RAB3IP: variants seen among roughly 807,000 people sequenced by gnomAD.
The protein encoded by RAB3IP is rab-3A-interacting protein.
In RAB3IP, 36 loss-of-function variants were observed where a neutral mutation model predicts 59.1. That is an observed-to-expected ratio of 0.61 (90% CI 0.47 to 0.80). The LOEUF (loss-of-function observed/expected upper bound fraction) is 0.80, where lower values mean the gene tolerates loss of function less well. RAB3IP is among the 30% of genes least tolerant of loss of function. RAB3IP has a pLI of 0.00. For synonymous variants in RAB3IP, 207 were observed against 191.2 expected, an observed-to-expected ratio of 1.08 and a Z score of -0.68; for missense variants, 511 against 536.0, an observed-to-expected ratio of 0.95 and a Z score of 0.46.
At chr12:69,800,488 A>G in intron 7 of RAB3IP, 151 bp downstream of exon 7, 2 of 520,284 alleles carry the variant, frequency 3.8e-6, no homozygotes, top group Non-Finnish European at 3.2e-6. Flanking sequence ...TACTAGAATC[A>G]TGATAATTTC....
chr12:69,773,404 T>TC (rs1464597720), intron 3 of RAB3IP, among the ~76,000 whole-genome samples: 20 of 133,388 alleles, frequency 1.5e-4, no homozygotes, highest in African/African-American at 5.6e-4. Flanking sequence ...TCTTTCTTTT[T>TC]TTTTTTTTTT....
At chr12:69,809,903 A>G (rs949074691) in intron 8 of RAB3IP, among the ~76,000 whole-genome samples, 5 of 152,262 alleles carry the variant, frequency 3.3e-5, no homozygotes, top group Admixed American at 6.5e-5. Context: ...CAACTCGTCA[A>G]AGTCATTCTC....
At chr12:69,766,182 G>T (rs74876237) in intron 3 of RAB3IP, among the ~76,000 whole-genome samples, 1 of 152,102 alleles carries the variant, frequency 6.6e-6, no homozygotes, top group African/African-American at 2.4e-5. Flanking sequence ...TAGATTTTTT[G>T]TATCTGGGTG....
intron 3 of RAB3IP, among the ~76,000 whole-genome samples, chr12:69,768,083 G>T (rs149941995): frequency 1.3e-5 from 2 of 152,176 alleles, no homozygotes; most frequent in African/African-American, 4.8e-5. Context: ...CAGCAAGCTG[G>T]TTCCCTGAAT....
At chr12:69,791,344 C>A (rs1262310566) in intron 4 of RAB3IP, among the ~76,000 whole-genome samples, 1 of 152,076 alleles carries the variant, frequency 6.6e-6, no homozygotes, top group Non-Finnish European at 1.5e-5. Flanking sequence ...GGGAGTACAT[C>A]AAACTAAAAA....
chr12:69,808,471 G>T (rs537262567), intron 8 of RAB3IP, among the ~76,000 whole-genome samples: 2 of 152,318 alleles, frequency 1.3e-5, no homozygotes, highest in Admixed American at 1.3e-4. Flanking sequence ...TCGTTGATCT[G>T]TGTTGACACA....
rs1164646417 is a variant in RAB3IP at position 69,817,524 on chromosome 12, A to G, written c.*2078A>G. ...TAAATTCTTAATTTAGAAATCGTGC[A>G]TCAGTAGTTAGGCATTGTGGCTCAT... On this transcript the variant is annotated 3_prime_UTR_variant, in exon 11 of 11. Coordinates refer to ENST00000247833, the MANE Select transcript of RAB3IP (RefSeq NM_022456.5). The G allele has an allele frequency of 6.6e-6, 1 of 152,102 alleles. No homozygotes were observed. The highest frequency in any genetic ancestry group is 1.5e-5 in the Non-Finnish European group (1 of 68,024). The allele number at this position is 152,102 out of a possible 1,614,324, so 9.4% of individuals were successfully genotyped here.
chr12:69,766,827 A>C (rs933942118), intron 3 of RAB3IP, among the ~76,000 whole-genome samples: 3 of 152,180 alleles, frequency 2.0e-5, no homozygotes, highest in Non-Finnish European at 4.4e-5. Context: ...TGCCCGGTGC[A>C]GAACCTCTGA....
At chr12:69,800,060 A>G (rs1322518895) in intron 6 of RAB3IP, 149 bp from the exon 7 acceptor site, 3 of 450,948 alleles carry the variant, frequency 6.7e-6, no homozygotes, top group African/African-American at 4.1e-5. Context: ...AACTGCTACC[A>G]GGTATTGAAC....
intron 6 of RAB3IP, chr12:69,796,441 A>G (rs1877448993): frequency 7.4e-6 from 3 of 405,870 alleles, no homozygotes; most frequent in African/African-American, 6.2e-5. Context: ...AAGAGGATTG[A>G]TCAATAATTT....
intron 3 of RAB3IP, among the ~76,000 whole-genome samples, chr12:69,782,443 A>G (rs1474343318): frequency 6.6e-6 from 1 of 152,166 alleles, no homozygotes; most frequent in African/African-American, 2.4e-5. Flanking sequence ...GATTACAGGC[A>G]TGAGCCACTG....
At chr12:69,792,786 A>G (rs1351463598) in intron 4 of RAB3IP, among the ~76,000 whole-genome samples, 1 of 152,252 alleles carries the variant, frequency 6.6e-6, no homozygotes, top group East Asian at 1.9e-4. Flanking sequence ...ATTTCACATT[A>G]CTCTAAGTTT....
chr12:69,770,460 A>C (rs566676323), intron 3 of RAB3IP, among the ~76,000 whole-genome samples: 1 of 152,122 alleles, frequency 6.6e-6, no homozygotes, highest in Non-Finnish European at 1.5e-5. Flanking sequence ...GTCTTATACA[A>C]ATTTGTATTT....
intron 4 of RAB3IP, among the ~76,000 whole-genome samples, chr12:69,794,035 G>A (rs1054149980): frequency 6.6e-5 from 10 of 152,108 alleles, no homozygotes; most frequent in Admixed American, 1.3e-4. Flanking sequence ...CATTATTGGT[G>A]TGTTAATGTT....
At position 69,756,671 on chromosome 12, in the gene RAB3IP, A is replaced by C. The variant is rs768381899; in HGVS notation, c.510+8A>C. 20 of 1,605,316 alleles carry C rather than the reference A, an allele frequency of 1.2e-5. No individual in the cohort carries two copies. Among genetic ancestry groups the C allele is most frequent in the Non-Finnish European group, 1.7e-5 (20 of 1,176,444 alleles). On this transcript the variant is annotated splice_region_variant and intron_variant, in intron 3 of 10. Coordinates refer to ENST00000247833, the MANE Select transcript of RAB3IP (RefSeq NM_022456.5). ...CTCGCAAAAGCTCAGAGGGTAAGAAAGAAGATATTTTATTCTTCCATATAT... is the reference window on the plus strand; with the variant it reads ...CTCGCAAAAGCTCAGAGGGTAAGAACGAAGATATTTTATTCTTCCATATAT...
At chr12:69,739,396 A>C in intron 1 of RAB3IP, 1 of 159,894 alleles carries the variant, frequency 6.3e-6, no homozygotes, top group Non-Finnish European at 1.4e-5. Context: ...GCCCGAGTCC[A>C]GCGGGTTACC....
At chr12:69,809,775 A>G (rs1194685396) in intron 8 of RAB3IP, among the ~76,000 whole-genome samples, 1 of 152,004 alleles carries the variant, frequency 6.6e-6, no homozygotes, top group Non-Finnish European at 1.5e-5. Context: ...ACTTCTCTGC[A>G]TGGGTTATTC....
At chr12:69,740,240 A>T (rs796462283) in intron 1 of RAB3IP, among the ~76,000 whole-genome samples, 16 of 152,280 alleles carry the variant, frequency 1.1e-4, no homozygotes, top group African/African-American at 3.9e-4. Context: ...AATCGTAGTA[A>T]ATATTTGATA....
chr12:69,769,649 C>A (rs748205769), intron 3 of RAB3IP, among the ~76,000 whole-genome samples: 7 of 152,146 alleles, frequency 4.6e-5, no homozygotes, highest in Non-Finnish European at 1.0e-4. Context: ...AGCAGAAAAC[C>A]AGAAACAAAT....
Sources: gnomAD v4.1 joint callset for allele counts (sites outside exome capture counted in the v4.1 genomes callset) on GRCh38, gnomAD v4.1.1 for gene constraint, MANE v1.5 for transcripts, NCBI Gene and HGNC (gene_info 2026-07-23, HGNC 2026-07-21) for gene names.